C3orf20: variants seen among roughly 807,000 people sequenced by gnomAD.
C3orf20 encodes family with sequence similarity 149 member C, also known as uncharacterized protein C3orf20.
C3orf20 carries 76 observed loss-of-function variants against 88.3 expected under a neutral mutation model. The ratio of observed to expected loss-of-function variants is 0.86; its 90% CI spans 0.72 to 1.04. The LOEUF (loss-of-function observed/expected upper bound fraction) is 1.04. Ranked by LOEUF, C3orf20 falls within the 50% of genes least tolerant of loss-of-function variation. The probability of loss-of-function intolerance (pLI) is 0.00; values close to 1 mark genes in which losing one functional copy is unlikely to be tolerated. For missense variants in C3orf20, 1,056 were observed against 1,123.3 expected (o/e 0.94, Z 0.86); for synonymous variants, 436 against 437.4 (o/e 1.00, Z 0.04).
intron 15 of C3orf20, chr3:14,765,730 A>G (rs961985747): frequency 6.5e-6 from 1 of 153,024 alleles, no homozygotes; most frequent in Non-Finnish European, 1.5e-5. Context: ...TGGGGTGGTC[A>G]CCAGGCTGGG....
intron 7 of C3orf20, among the ~76,000 whole-genome samples, chr3:14,710,574 T>A (rs999003723): frequency 7.9e-5 from 12 of 152,226 alleles, no homozygotes; most frequent in Admixed American, 7.9e-4. Flanking sequence ...AAGTATTTTA[T>A]AATTTCCCTT....
chr3:14,736,727 C>T (rs929120798), intron 12 of C3orf20, among the ~76,000 whole-genome samples: 8 of 151,656 alleles, frequency 5.3e-5, no homozygotes, highest in African/African-American at 1.5e-4. Flanking sequence ...CCACCACACC[C>T]AGCTAATTTT....
intron 7 of C3orf20, among the ~76,000 whole-genome samples, chr3:14,712,060 T>C (rs1166629434): frequency 6.6e-6 from 1 of 152,022 alleles, no homozygotes; most frequent in African/African-American, 2.4e-5. Flanking sequence ...CATTTGGAAA[T>C]AGGGGCTCTG....
intron 12 of C3orf20, among the ~76,000 whole-genome samples, chr3:14,743,859 C>T (rs1575146235): frequency 6.6e-6 from 1 of 152,038 alleles, no homozygotes; most frequent in East Asian, 1.9e-4. Flanking sequence ...ACACAGGGCA[C>T]CAAGCCCCTA....
intron 14 of C3orf20, among the ~76,000 whole-genome samples, chr3:14,760,361 A>G (rs1376469649): frequency 6.6e-6 from 1 of 152,210 alleles, no homozygotes; most frequent in Non-Finnish European, 1.5e-5. Flanking sequence ...CTTAGAAAAT[A>G]TAATTTAGAA....
intron 4 of C3orf20, among the ~76,000 whole-genome samples, chr3:14,685,500 GTGTGTGTGTGTA>G (rs2032358467): frequency 1.3e-5 from 2 of 148,506 alleles, no homozygotes; most frequent in Non-Finnish European, 3.0e-5. Flanking sequence ...GTGCGTGTGT[GTGTGTGTGTGTA>G]TGTGTGTTAA....
intron 4 of C3orf20, among the ~76,000 whole-genome samples, chr3:14,687,006 G>A (rs1445321027): frequency 6.6e-6 from 1 of 152,214 alleles, no homozygotes; most frequent in Non-Finnish European, 1.5e-5. Flanking sequence ...TGATGCTGGA[G>A]AGCTGCAGAA....
intron 10 of C3orf20, among the ~76,000 whole-genome samples, chr3:14,724,875 T>G (rs950538643): frequency 2.0e-5 from 3 of 152,196 alleles, no homozygotes; most frequent in Non-Finnish European, 1.5e-5. Context: ...GGTTTGGCAG[T>G]GCAGTAGAAG....
At position 14,727,152 on chromosome 3, in the gene C3orf20, G is replaced by T. The variant is rs114411048; in HGVS notation, c.1690+128G>T. 957 of 1,109,848 alleles carry T rather than the reference G, an allele frequency of 8.6e-4. 6 individuals carry two copies. The African/African-American group carries it at 0.014, about 16-fold the overall frequency. The allele number at this position is 1,109,848 out of a possible 1,614,324, so 68.8% of individuals were successfully genotyped here. ...TCCATCTTCAGTCTGAATGTCCAGG[G>T]AAGTAGGCATAGCAGAGATATTTCC... On this transcript the variant is annotated intron_variant, in intron 11 of 16. Coordinates refer to ENST00000253697, the MANE Select transcript of C3orf20 (RefSeq NM_032137.5).
chr3:14,757,636 A>C lies in C3orf20; in HGVS notation c.2206A>C (p.Asn736His). The C allele has an allele frequency of 1.2e-6, 2 of 1,612,144 alleles. No homozygotes were observed. The highest frequency in any genetic ancestry group is 1.7e-6 in the Non-Finnish European group (2 of 1,178,762). Residue 736 changes from asparagine (N) to histidine (H), a missense_variant, in exon 13 of 17, where the codon AAC becomes CAC. Coordinates refer to ENST00000253697, the MANE Select transcript of C3orf20 (RefSeq NM_032137.5). ...CCAGTGGCTGCTGAACACTCTCTACAACCACCAGCAGCGGGGCCGTGGCTC... is the reference window on the plus strand; with the variant it reads ...CCAGTGGCTGCTGAACACTCTCTACCACCACCAGCAGCGGGGCCGTGGCTC... The part of the protein sequence containing the change: ...QLQWLLNTLY[N>H]HQQRGRGSPC...
intron 7 of C3orf20, among the ~76,000 whole-genome samples, chr3:14,709,915 T>G (rs2033673360): frequency 6.6e-6 from 1 of 152,200 alleles, no homozygotes; most frequent in South Asian, 2.1e-4. Flanking sequence ...GCTCTTCTAT[T>G]TTTTTGGAAG....
chr3:14,677,762 A>T (rs998417114), intron 1 of C3orf20, among the ~76,000 whole-genome samples: 2 of 152,094 alleles, frequency 1.3e-5, no homozygotes, highest in Non-Finnish European at 2.9e-5. Flanking sequence ...CGGCCTCCCA[A>T]AGTGCTGGGA....
intron 12 of C3orf20, among the ~76,000 whole-genome samples, chr3:14,729,495 G>T (rs2034467683): frequency 6.6e-6 from 1 of 152,186 alleles, no homozygotes; most frequent in East Asian, 1.9e-4. Context: ...TGGTCATGTA[G>T]CCTTGATAGT....
chr3:14,695,568 T>C (rs958046283), intron 5 of C3orf20, among the ~76,000 whole-genome samples: 1 of 152,204 alleles, frequency 6.6e-6, no homozygotes, highest in Admixed American at 6.5e-5. Context: ...CTAGAAGATC[T>C]GTCCAGTGCC....
chr3:14,727,186 G>A (rs1195438772), intron 11 of C3orf20, among the ~76,000 whole-genome samples, 162 bp downstream of exon 11: 1 of 152,160 alleles, frequency 6.6e-6, no homozygotes, highest in East Asian at 1.9e-4. Context: ...CCCCATTTTA[G>A]GTCCCACTGG....
intron 12 of C3orf20, among the ~76,000 whole-genome samples, chr3:14,752,377 A>G (rs1353531156): frequency 6.6e-6 from 1 of 152,224 alleles, no homozygotes; most frequent in African/African-American, 2.4e-5. Context: ...AACCATAAAA[A>G]CCCTAGAAGA....
intron 15 of C3orf20, among the ~76,000 whole-genome samples, chr3:14,770,615 C>T (rs991276144): frequency 6.6e-6 from 1 of 152,204 alleles, no homozygotes; most frequent in African/African-American, 2.4e-5. Flanking sequence ...CCTCAAGCCC[C>T]CTCCCCAAGC....
intron 12 of C3orf20, among the ~76,000 whole-genome samples, chr3:14,755,322 A>G (rs1559442402): frequency 6.6e-6 from 1 of 151,920 alleles, no homozygotes; most frequent in African/African-American, 2.4e-5. Flanking sequence ...ATCTTTTTCT[A>G]TTATGACTTC....
At position 14,682,517 on chromosome 3, in the gene C3orf20, G is replaced by A. The variant is rs1000849895; in HGVS notation, c.-136-61G>A. The stretch of plus-strand genomic sequence containing the variant: ...GTCTCTGGGTAGGTAAGGGACGGGG[G>A]ACCTCCCCTTGCCCTACTATGGGGA... On this transcript the variant is annotated intron_variant, in intron 2 of 16. Coordinates refer to ENST00000253697, the MANE Select transcript of C3orf20 (RefSeq NM_032137.5). 1.9e-5 allele frequency: 13 copies of A among 667,698 alleles called. No homozygotes were observed. In the African/African-American group the frequency reaches 2.0e-4, roughly 10 times the overall value. The allele number at this position is 667,698 out of a possible 1,614,324, so 41.4% of individuals were successfully genotyped here.
Sources: gnomAD v4.1 joint callset for allele counts (sites outside exome capture counted in the v4.1 genomes callset) on GRCh38, gnomAD v4.1.1 for gene constraint, MANE v1.5 for transcripts, NCBI Gene and HGNC (gene_info 2026-07-23, HGNC 2026-07-21) for gene names.